OGA: variants seen among roughly 807,000 people sequenced by gnomAD.
OGA encodes the protein protein O-GlcNAcase.
In OGA, 21 loss-of-function variants were observed where a neutral mutation model predicts 102.0. The ratio of observed to expected loss-of-function variants is 0.21; its 90% CI spans 0.15 to 0.30. The LOEUF (loss-of-function observed/expected upper bound fraction) is 0.30. Ranked by LOEUF, OGA falls within the 10% of genes least tolerant of loss-of-function variation. The pLI is 1.00. For synonymous variants in OGA, 408 were observed against 378.2 expected, an observed-to-expected ratio of 1.08 and a Z score of -0.91; for missense variants, 765 against 1,107.8, an observed-to-expected ratio of 0.69 and a Z score of 4.39.
intron 1 of OGA, among the ~76,000 whole-genome samples, chr10:101,816,868 C>T (rs1564653007): frequency 6.6e-6 from 1 of 152,028 alleles, no homozygotes; most frequent in South Asian, 2.1e-4. Context: ...TTTTCCATAC[C>T]TTTTTGGTTT....
At chr10:101,803,288 T>C (rs1317519968) in intron 7 of OGA, among the ~76,000 whole-genome samples, 6 of 152,104 alleles carry the variant, frequency 3.9e-5, no homozygotes, top group Admixed American at 6.6e-5. Flanking sequence ...ATTCTAGAGA[T>C]AATGGAAACA....
At chr10:101,814,442 T>TAAAA (rs780792307) in intron 1 of OGA, among the ~76,000 whole-genome samples, 2 of 152,110 alleles carry the variant, frequency 1.3e-5, no homozygotes, top group Non-Finnish European at 2.9e-5. Flanking sequence ...TCCTCTTTTT[T>TAAAA]AAAAAAAGTT....
At chr10:101,786,706 T>A in intron 15 of OGA, 119 bp from the exon 16 acceptor site, 1 of 823,596 alleles carries the variant, frequency 1.2e-6, no homozygotes, top group Non-Finnish European at 1.7e-6. Flanking sequence ...CTACACCAGC[T>A]CCTACATTTC....
rs762077152 is a variant in OGA at position 101,817,956 on chromosome 10, C to A, written c.67G>T (p.Ala23Ser). The change falls in exon 1 of 16, where the codon GCC becomes TCC. Residue 23 changes from alanine to serine, a missense_variant. Ala to Ser is a moderately conservative substitution (Grantham distance 99, BLOSUM62 1). Coordinates refer to ENST00000361464, the MANE Select transcript of OGA (RefSeq NM_012215.5). ...RESELSSNPA[A>S]SAGASLEPPA... Reference sequence around the variant, plus strand: ...GGCTCCAGCGATGCCCCCGCAGAGGCGGCAGGGTTGGAGCTGAGCTCGCTC... The same window carrying A: ...GGCTCCAGCGATGCCCCCGCAGAGGAGGCAGGGTTGGAGCTGAGCTCGCTC... The A allele has an allele frequency of 1.9e-6, 3 of 1,602,422 alleles. No homozygotes were observed. The highest frequency in any genetic ancestry group is 1.8e-4 in the Middle Eastern group (1 of 5,686).
At chr10:101,810,960 G>T (rs180884572) in intron 3 of OGA, among the ~76,000 whole-genome samples, 1 of 152,024 alleles carries the variant, frequency 6.6e-6, no homozygotes. Flanking sequence ...TACAGTGTTG[G>T]GATTGCAGGC....
At position 101,791,344 on chromosome 10, in the gene OGA, T is replaced by TA; in HGVS notation, c.2261+9dup. The TA allele has an allele frequency of 6.2e-7, 1 of 1,604,194 alleles. No homozygotes were observed. The highest frequency in any genetic ancestry group is 8.5e-7 in the Non-Finnish European group (1 of 1,170,948). On this transcript the variant is annotated intron_variant, in intron 13 of 15. Coordinates refer to ENST00000361464, the MANE Select transcript of OGA (RefSeq NM_012215.5). ...AGGTCTACTCTCAAATCCAAATACT[T>TA]ATCACATACTTGTCTCCAATAAGAT...
chr10:101,807,315 C>G (rs765093962), intron 5 of OGA, among the ~76,000 whole-genome samples: 2 of 152,134 alleles, frequency 1.3e-5, no homozygotes, highest in Non-Finnish European at 2.9e-5. Context: ...TCTATGCTGA[C>G]TACTTGAAAT....
chr10:101,807,482 T>C (rs960569546), intron 5 of OGA, among the ~76,000 whole-genome samples: 4 of 152,360 alleles, frequency 2.6e-5, no homozygotes, highest in East Asian at 1.9e-4. Context: ...TCTTTTAATA[T>C]TGACAATGTA....
In OGA at chr10:101,790,407, G is replaced by A. The variant is rs566533671; in HGVS notation, c.2454+489C>T. On this transcript the variant is annotated intron_variant, in intron 14 of 15. Transcript: ENST00000361464. ...CCTGCCTCAGCCTCCTGAGTAGCTG[G>A]CATTACAGGCACCCGCCACCACACC... Among the ~76,000 whole-genome samples, 5 of 151,466 alleles carry A rather than the reference G, an allele frequency of 3.3e-5. No individual in the cohort carries two copies. The South Asian group carries it at 1.0e-3, about 32-fold the overall frequency.
At chr10:101,801,901 C>A (rs2065397770) in intron 7 of OGA, among the ~76,000 whole-genome samples, 2 of 152,188 alleles carry the variant, frequency 1.3e-5, no homozygotes. Flanking sequence ...AATCCCAGAA[C>A]TCTGGGAGGC....
chr10:101,801,067 G>A (rs989508313), intron 7 of OGA, among the ~76,000 whole-genome samples: 4 of 150,556 alleles, frequency 2.7e-5, no homozygotes, highest in Non-Finnish European at 4.4e-5. Context: ...CACTACAACC[G>A]ACTGTAACTT....
In OGA at chr10:101,785,374, C is replaced by T. The variant is rs943685980; in HGVS notation, c.*1077G>A. 13 of 152,502 alleles carry T rather than the reference C, an allele frequency of 8.5e-5. No individual in the cohort carries two copies. The highest frequency in any genetic ancestry group is 2.4e-4 in the African/African-American group (10 of 41,442). The allele number at this position is 152,502 out of a possible 1,614,324, so 9.4% of individuals were successfully genotyped here. A position where few individuals can be genotyped will look rare whatever the true frequency, so the allele number is the denominator to read the frequency against. ...ATTAAAGACTCTGATTTAATAAAAT[C>T]AGTAGTAACAGGTCTTGAGATTAAA... On this transcript the variant is annotated 3_prime_UTR_variant, in exon 16 of 16. Coordinates refer to ENST00000361464, the MANE Select transcript of OGA (RefSeq NM_012215.5).
At chr10:101,799,600 A>C in intron 8 of OGA, 145 bp from the exon 9 acceptor site, 1 of 884,312 alleles carries the variant, frequency 1.1e-6, no homozygotes, top group South Asian at 1.9e-5. Flanking sequence ...GACCTCTAAG[A>C]AAAATGAGAT....
At chr10:101,787,300 CA>C in intron 15 of OGA, 63 bp downstream of exon 15, 1 of 1,439,060 alleles carries the variant, frequency 6.9e-7, no homozygotes, top group Non-Finnish European at 9.3e-7. Flanking sequence ...CTTTTATATC[CA>C]AAAATATATA....
chr10:101,796,358 T>A (rs563945360), intron 10 of OGA, among the ~76,000 whole-genome samples: 1 of 151,938 alleles, frequency 6.6e-6, no homozygotes, highest in Admixed American at 6.5e-5. Flanking sequence ...ACCTCCTGGG[T>A]TCAAGTGATT....
In OGA at chr10:101,800,426, C is replaced by T. The variant is rs753931180; in HGVS notation, c.1037-26G>A. 8 of 1,588,242 alleles carry T rather than the reference C, an allele frequency of 5.0e-6. No homozygotes were observed. The South Asian group carries it at 9.0e-5, about 18-fold the overall frequency. On this transcript the variant is annotated intron_variant, in intron 7 of 15. Coordinates refer to ENST00000361464, the MANE Select transcript of OGA (RefSeq NM_012215.5). ...CTGCAAAAAATAAAATAAAAAAGCA[C>T]AAAAATAGTTTTGATTACAAAAGCC...
intron 14 of OGA, among the ~76,000 whole-genome samples, chr10:101,788,491 C>T (rs892816532): frequency 6.7e-6 from 1 of 148,344 alleles, no homozygotes; most frequent in African/African-American, 2.5e-5. Flanking sequence ...AATCCCAGAA[C>T]TTTGGGAGGC....
intron 13 of OGA, 52 bp downstream of exon 13, chr10:101,791,302 A>T: frequency 6.8e-7 from 1 of 1,466,374 alleles, no homozygotes; most frequent in Admixed American, 1.7e-5. Context: ...CCTCAACCTG[A>T]TAAGCCTCAC....
At chr10:101,795,049 G>A (rs1289100697) in intron 10 of OGA, among the ~76,000 whole-genome samples, 2 of 152,134 alleles carry the variant, frequency 1.3e-5, no homozygotes, top group African/African-American at 4.8e-5. Context: ...TCAAGGGTAG[G>A]GGTACTTTTA....
Sources: gnomAD v4.1 joint callset for allele counts (sites outside exome capture counted in the v4.1 genomes callset) on GRCh38, gnomAD v4.1.1 for gene constraint, MANE v1.5 for transcripts, NCBI Gene and HGNC (gene_info 2026-07-23, HGNC 2026-07-21) for gene names.